EXOC7: variants seen among roughly 807,000 people sequenced by gnomAD.
The protein encoded by EXOC7 is exocyst complex component 7.
Under a neutral mutation model 87.6 loss-of-function variants are expected in EXOC7, and 51 were observed. The observed-to-expected ratio is 0.58, with a 90% CI of 0.46 to 0.73. EXOC7 has a LOEUF of 0.73. Among genes scored for constraint, EXOC7 ranks in the 30% least tolerant of loss-of-function variants. The pLI is 0.00. For missense variants in EXOC7, 744 were observed against 888.4 expected, an observed-to-expected ratio of 0.84 and a Z score of 2.07; for synonymous variants, 327 against 357.1, an observed-to-expected ratio of 0.92 and a Z score of 0.95.
At position 76,101,733 on chromosome 17, in the gene EXOC7, T is replaced by C. The variant is rs749789076; in HGVS notation, c.257A>G (p.His86Arg). 9.3e-6 allele frequency: 15 copies of C among 1,613,988 alleles called. No individual in the cohort carries two copies. The East Asian group carries it at 2.9e-4, about 31-fold the overall frequency. ...GGCCACATGGTAGTAGCTGATGACA[T>C]GGTCCAGGCAGGACAGCGTCTTCTC... ...NVEKTLSCLD[H>R]VISYYHVASD... Residue 86 changes from histidine (H) to arginine (R), a missense_variant, in exon 3 of 19, where the codon CAT (histidine) becomes CGT (arginine). Physicochemically the swap from His to Arg is conservative, Grantham distance 29. Transcript: ENST00000589210.
intron 6 of EXOC7, 76 bp downstream of exon 6, chr17:76,094,338 C>A: frequency 1.3e-6 from 2 of 1,487,194 alleles, no homozygotes; most frequent in African/African-American, 1.4e-5. Context: ...ACGCTGCGAA[C>A]GCTAGATTGG....
chr17:76,098,136 CT>C (rs2067870954), intron 4 of EXOC7, 118 bp from the exon 5 acceptor site: 9 of 812,912 alleles, frequency 1.1e-5, no homozygotes, highest in Admixed American at 2.7e-5. Flanking sequence ...CTTTTCTGCC[CT>C]GATATCTTTT....
chr17:76,085,411 T>C lies in EXOC7; in HGVS notation c.1617-2A>G. 6.2e-7 allele frequency: 1 copy of C among 1,607,646 alleles called. No individual in the cohort carries two copies. Among genetic ancestry groups the C allele is most frequent in the Admixed American group, 1.7e-5 (1 of 59,340 alleles). On this transcript the variant is annotated splice_acceptor_variant, in intron 14 of 18. Transcript: ENST00000589210. LOFTEE classifies it high-confidence loss of function. Reference sequence around the variant, plus strand: ...GCCACCAGCTGGATCAGTTCAGACCTGGGTCGGGGTAGGGGACAGAGGAGA... The same window carrying C: ...GCCACCAGCTGGATCAGTTCAGACCCGGGTCGGGGTAGGGGACAGAGGAGA...
intron 4 of EXOC7, among the ~76,000 whole-genome samples, chr17:76,100,311 G>A (rs763161008): frequency 1.3e-5 from 2 of 152,046 alleles, no homozygotes; most frequent in Non-Finnish European, 2.9e-5. Flanking sequence ...TCTACTTAAT[G>A]CCACTGTTAA....
At chr17:76,086,951 A>C in intron 12 of EXOC7, 1 of 1,480,820 alleles carries the variant, frequency 6.8e-7, no homozygotes, top group Non-Finnish European at 9.2e-7. Flanking sequence ...AGGAGGGAGA[A>C]AGATGCAAAG....
intron 4 of EXOC7, 70 bp downstream of exon 4, chr17:76,101,201 A>G (rs1443607450): frequency 1.2e-6 from 2 of 1,613,414 alleles, no homozygotes; most frequent in African/African-American, 2.7e-5. Flanking sequence ...AGCTGGCTCC[A>G]TGTCCCTCAT....
chr17:76,101,901 T>C (rs750265459), intron 2 of EXOC7, 38 bp from the exon 3 acceptor site: 2 of 1,563,744 alleles, frequency 1.3e-6, no homozygotes, highest in Admixed American at 1.7e-5. Flanking sequence ...GGACTCACAG[T>C]GGTCCCAGCA....
At position 76,082,257 on chromosome 17, in the gene EXOC7, C is replaced by T; in HGVS notation, c.*1391G>A. 1.3e-6 allele frequency: 1 copy of T among 775,750 alleles called. No homozygotes were observed. Among genetic ancestry groups the T allele is most frequent in the Non-Finnish European group, 2.0e-6 (1 of 499,602 alleles). 48.1% of individuals were successfully genotyped at this position (775,750 alleles called of 1,614,324 possible). On this transcript the variant is annotated 3_prime_UTR_variant, in exon 19 of 19. Coordinates refer to ENST00000589210, the MANE Select transcript of EXOC7 (RefSeq NM_001013839.4). ...GCCTCCCTGAAGTCCCAGGTGACCT[C>T]AATCCCCTGATAACCCATGCCTTGC...
chr17:76,090,272 G>A, intron 7 of EXOC7: 1 of 1,530,338 alleles, frequency 6.5e-7, no homozygotes, highest in Non-Finnish European at 8.8e-7. Flanking sequence ...AGGCCATCCG[G>A]GGACCGCTGC....
chr17:76,094,961 G>T (rs1379844837), intron 5 of EXOC7, among the ~76,000 whole-genome samples: 3 of 124,474 alleles, frequency 2.4e-5, no homozygotes, highest in Non-Finnish European at 5.0e-5. Flanking sequence ...ATAATTAGTT[G>T]TAAGTTGTTT....
In EXOC7 at chr17:76,081,627, G is replaced by A. The variant is rs1450273752; in HGVS notation, c.*2021C>T. ...GCACTGCTGTTGGCTGACGTGTGCG[G>A]GGGGTTGCTGCCCCTCCGGGCCATT... On this transcript the variant is annotated 3_prime_UTR_variant, in exon 19 of 19. Coordinates refer to ENST00000589210, the MANE Select transcript of EXOC7 (RefSeq NM_001013839.4). The A allele has an allele frequency of 1.6e-5, 26 of 1,614,002 alleles. No individual in the cohort carries two copies. Among genetic ancestry groups the A allele is most frequent in the Non-Finnish European group, 2.0e-5 (24 of 1,180,048 alleles).
At chr17:76,095,053 C>T (rs1389762137) in intron 5 of EXOC7, among the ~76,000 whole-genome samples, 1 of 152,146 alleles carries the variant, frequency 6.6e-6, no homozygotes, top group South Asian at 2.1e-4. Context: ...CTCTGCCTCC[C>T]AGGCTCAACC....
chr17:76,102,897 T>A (rs1445418892), intron 2 of EXOC7, among the ~76,000 whole-genome samples: 2 of 152,166 alleles, frequency 1.3e-5, no homozygotes, highest in East Asian at 3.8e-4. Context: ...AGCCGCACAT[T>A]TAAGCAGAAG....
rs768174525 is a variant in EXOC7 at position 76,082,661 on chromosome 17, G to A, written c.*987C>T. ...AGGCGGCCTAGACTGTAAAGGGGCAGGGCCTGGGCTGCACACCTTAGGATG... is the reference window on the plus strand; with the variant it reads ...AGGCGGCCTAGACTGTAAAGGGGCAAGGCCTGGGCTGCACACCTTAGGATG... On this transcript the variant is annotated 3_prime_UTR_variant, in exon 19 of 19. Transcript: ENST00000589210. 3.7e-6 allele frequency: 6 copies of A among 1,600,236 alleles called. No homozygotes were observed. The East Asian group carries it at 1.3e-4, about 36-fold the overall frequency.
Position 76,088,905 on chromosome 17 carries a change from T to C in EXOC7, c.1066A>G (p.Met356Val). 1 of 1,613,084 alleles carries C rather than the reference T, an allele frequency of 6.2e-7. No homozygotes were observed. The highest frequency in any genetic ancestry group is 8.5e-7 in the Non-Finnish European group (1 of 1,179,972). Residue 356 changes from methionine (M) to valine (V), a missense_variant, in exon 9 of 19, where the codon ATG (methionine) becomes GTG (valine). Around this residue, in one of 3 missense-constraint regions of EXOC7, gnomAD observed 512 missense variants for 573.0 expected, o/e 0.89. Transcript: ENST00000589210. ...SLIQDALDGL[M>V]LEGENIVSAA... ...GACACGATGTTCTCCCCTTCAAGCATCAGCCCATCCAGGGCATCCTGAGGG... is the reference window on the plus strand; with the variant it reads ...GACACGATGTTCTCCCCTTCAAGCACCAGCCCATCCAGGGCATCCTGAGGG...
Position 76,082,030 on chromosome 17 carries a change from A to C in EXOC7, c.*1618T>G. On this transcript the variant is annotated 3_prime_UTR_variant, in exon 19 of 19. Transcript: ENST00000589210. ...GGGAACAGCGAGAGCACGGCAACCC[A>C]GGGCCTCATCCTGCTGAAGGTGGGC... 1 of 1,610,166 alleles carries C rather than the reference A, an allele frequency of 6.2e-7. No homozygotes were observed. The highest frequency in any genetic ancestry group is 8.5e-7 in the Non-Finnish European group (1 of 1,178,866).
chr17:76,087,399 C>T, intron 12 of EXOC7: 1 of 551,810 alleles, frequency 1.8e-6, no homozygotes, highest in South Asian at 2.3e-5. Context: ...AGCACCGCTC[C>T]CAGAGTGAGG....
In EXOC7 at chr17:76,091,180, A is replaced by G. The variant is rs1415204890; in HGVS notation, c.864T>C (p.Asp288=). ...TGAGGTTAGAGCCCCCCTTTTTCCC[A>G]TCTAGACCATGCTGGGAATACTGTT... is the stretch of plus-strand genomic sequence containing the variant. The part of the protein sequence containing the change: ...LLKQYSQHGL[D]GKKGGSNLIP... The change falls in exon 7 of 19, where the codon GAT becomes GAC. Residue 288 remains aspartate (D), a synonymous_variant. Coordinates refer to ENST00000589210, the MANE Select transcript of EXOC7 (RefSeq NM_001013839.4). 6.2e-7 allele frequency: 1 copy of G among 1,614,030 alleles called. No homozygotes were observed.
At position 76,084,559 on chromosome 17, in the gene EXOC7, G is replaced by A. The variant is rs2067125536; in HGVS notation, c.1734C>T (p.Tyr578=). Residue 578 remains tyrosine, a synonymous_variant, in exon 16 of 19, where the codon TAC becomes TAT. Coordinates refer to ENST00000589210, the MANE Select transcript of EXOC7 (RefSeq NM_001013839.4). The part of the protein sequence containing the change: ...YQRSWLKVTD[Y]IAEKNLPVFQ... Reference sequence around the variant, plus strand: ...ACACAGGTAGATTCTTCTCTGCGATGTAATCAGTCACCTTTAACCAGCTGC... The same window carrying A: ...ACACAGGTAGATTCTTCTCTGCGATATAATCAGTCACCTTTAACCAGCTGC... 1 of 1,613,946 alleles carries A rather than the reference G, an allele frequency of 6.2e-7. No homozygotes were observed. The highest frequency in any genetic ancestry group is 1.3e-5 in the African/African-American group (1 of 75,060).
Sources: gnomAD v4.1 joint callset for allele counts (sites outside exome capture counted in the v4.1 genomes callset) on GRCh38, gnomAD v4.1.1 for gene constraint, gnomAD v4.1.1 regional missense constraint, MANE v1.5 for transcripts, NCBI Gene and HGNC (gene_info 2026-07-23, HGNC 2026-07-21) for gene names.